TRHDE: variants seen among roughly 807,000 people sequenced by gnomAD.
TRHDE encodes thyrotropin-releasing hormone-degrading ectoenzyme.
Under a neutral mutation model 125.7 loss-of-function variants are expected in TRHDE, and 72 were observed. That is an observed-to-expected ratio of 0.57 (90% CI 0.47 to 0.70). The LOEUF (loss-of-function observed/expected upper bound fraction) is 0.70. TRHDE is among the 30% of genes least tolerant of loss of function. The pLI is 0.00. For synonymous variants in TRHDE, 509 were observed against 509.1 expected (o/e 1.00, Z 0.00); for missense variants, 1,110 against 1,327.1 (o/e 0.84, Z 2.54).
chr12:72,314,459 T>C (rs1050805238), intron 2 of TRHDE, among the ~76,000 whole-genome samples: 1 of 152,094 alleles, frequency 6.6e-6, no homozygotes, highest in Non-Finnish European at 1.5e-5. Context: ...ACCATTCATA[T>C]ATAATATTTT....
chr12:72,335,032 G>A (rs1317403142), intron 2 of TRHDE, among the ~76,000 whole-genome samples: 3 of 152,204 alleles, frequency 2.0e-5, no homozygotes, highest in Non-Finnish European at 2.9e-5. Flanking sequence ...AGGCAGGAGA[G>A]ATGCCTCTAA....
Position 72,670,447 on chromosome 12 carries a change from C to G in TRHDE, c.*7252C>G, listed in dbSNP as rs146040010. 13 of 151,684 alleles carry G rather than the reference C, an allele frequency of 8.6e-5. No homozygotes were observed. The East Asian group carries it at 2.1e-3, about 25-fold the overall frequency. The allele number at this position is 151,684 out of a possible 1,614,324, so 9.4% of individuals were successfully genotyped here. On this transcript the variant is annotated 3_prime_UTR_variant, in exon 19 of 19. Transcript: ENST00000261180. ...AAATATGAATTCTGCCTCTGATAAT[C>G]AAATTTTGTACAGCAATGTGTAATG...
chr12:72,118,488 C>G (rs1875500280), intron 2 of TRHDE, among the ~76,000 whole-genome samples: 1 of 152,118 alleles, frequency 6.6e-6, no homozygotes, highest in South Asian at 2.1e-4. Flanking sequence ...CATCAGTATT[C>G]ATCAGGGATA....
intron 2 of TRHDE, among the ~76,000 whole-genome samples, chr12:72,226,754 A>G (rs2687493): frequency 0.77 from 116,453 of 152,146 alleles, 44,851 homozygotes; most frequent in Non-Finnish European, 0.79. Flanking sequence ...AGTATTTAGA[A>G]GTACTCTAAA....
Position 72,384,785 on chromosome 12 carries a change from T to C in TRHDE, c.1315+6664T>C, listed in dbSNP as rs1044776757. On this transcript the variant is annotated intron_variant, in intron 3 of 18. Transcript: ENST00000261180. Reference sequence around the variant, plus strand: ...TTTTGCTTAAGATACAATAAACATATATATTTTTTATTGTGGTGATGATGA... The same window carrying C: ...TTTTGCTTAAGATACAATAAACATACATATTTTTTATTGTGGTGATGATGA... Among the ~76,000 whole-genome samples the C allele has an allele frequency of 3.3e-5, 5 of 152,176 alleles. No individual in the cohort carries two copies. The South Asian group carries it at 8.3e-4, about 25-fold the overall frequency.
intron 3 of TRHDE, among the ~76,000 whole-genome samples, chr12:72,463,282 C>A (rs1000940986): frequency 2.0e-5 from 3 of 152,194 alleles, no homozygotes; most frequent in Non-Finnish European, 4.4e-5. Context: ...CTTTCTATCC[C>A]TTTTCCCTCA....
intron 2 of TRHDE, among the ~76,000 whole-genome samples, chr12:72,167,297 A>G (rs888530836): frequency 1.3e-5 from 2 of 152,194 alleles, no homozygotes; most frequent in African/African-American, 4.8e-5. Context: ...TTATATATCA[A>G]CTAACTGCCC....
chr12:72,533,723 GTT>G, intron 6 of TRHDE, among the ~76,000 whole-genome samples: 2,878 of 97,878 alleles, frequency 0.029, 37 homozygotes, highest in Non-Finnish European at 0.035. Context: ...TTTTCTATTT[GTT>G]TTTTTTTTTT....
intron 3 of TRHDE, among the ~76,000 whole-genome samples, chr12:72,385,343 T>C (rs1253729683): frequency 1.3e-5 from 2 of 152,096 alleles, no homozygotes; most frequent in Admixed American, 1.3e-4. Context: ...TTCTGGAGAC[T>C]TAGCTAAGGT....
intron 7 of TRHDE, among the ~76,000 whole-genome samples, chr12:72,555,141 G>T (rs569163673): frequency 2.5e-4 from 38 of 152,236 alleles, no homozygotes; most frequent in African/African-American, 9.1e-4. Flanking sequence ...ACATTGATTG[G>T]GTGGAGTAAT....
intron 2 of TRHDE, among the ~76,000 whole-genome samples, chr12:72,369,386 AAAG>A (rs1871472295): frequency 6.6e-6 from 1 of 152,184 alleles, no homozygotes; most frequent in African/African-American, 2.4e-5. Flanking sequence ...TCAGGAAAGC[AAAG>A]AAGAATACAC....
chr12:72,120,453 G>T lies in TRHDE; in HGVS notation n.279+14701G>T, dbSNP rs544733390. On this transcript the variant is annotated intron_variant and non_coding_transcript_variant, in intron 2 of 4. Transcript: ENST00000548156. Reference sequence around the variant, plus strand: ...TAATTTGATCACCTTCCTTTAAGGTGATTTTCTCTCGTGGTATGTTTTAAT... The same window carrying T: ...TAATTTGATCACCTTCCTTTAAGGTTATTTTCTCTCGTGGTATGTTTTAAT... Among the ~76,000 whole-genome samples the T allele has an allele frequency of 2.6e-5, 4 of 151,804 alleles. No individual in the cohort carries two copies. The South Asian group carries it at 8.3e-4, about 32-fold the overall frequency.
chr12:72,411,738 A>G (rs1292711610), intron 3 of TRHDE, among the ~76,000 whole-genome samples: 1 of 152,144 alleles, frequency 6.6e-6, no homozygotes, highest in East Asian at 1.9e-4. Flanking sequence ...AGGTATCAAA[A>G]CATATTTTAA....
intron 2 of TRHDE, among the ~76,000 whole-genome samples, chr12:72,200,430 A>T (rs1204216643): frequency 6.6e-6 from 1 of 152,166 alleles, no homozygotes; most frequent in Admixed American, 6.5e-5. Context: ...GTTAGAATAA[A>T]CACCTGTTGA....
chr12:72,169,345 G>A (rs1424293088), intron 2 of TRHDE, among the ~76,000 whole-genome samples: 2 of 152,056 alleles, frequency 1.3e-5, no homozygotes, highest in African/African-American at 4.8e-5. Context: ...CACAATTATT[G>A]TTAGTCTGCC....
chr12:72,602,687 C>A (rs1323282226), intron 12 of TRHDE, among the ~76,000 whole-genome samples: 1 of 152,116 alleles, frequency 6.6e-6, no homozygotes, highest in Non-Finnish European at 1.5e-5. Context: ...TGAGAACCTG[C>A]AATATACAGG....
At chr12:72,548,744 TA>T (rs1051447117) in intron 7 of TRHDE, among the ~76,000 whole-genome samples, 76 of 151,678 alleles carry the variant, frequency 5.0e-4, no homozygotes, top group African/African-American at 1.5e-3. Flanking sequence ...AGGTAGCTAT[TA>T]AAAAAAATTA....
intron 2 of TRHDE, among the ~76,000 whole-genome samples, chr12:72,195,142 C>T (rs530064780): frequency 4.9e-4 from 75 of 152,146 alleles, no homozygotes; most frequent in African/African-American, 1.8e-3. Flanking sequence ...AACTTGCTCA[C>T]TATAATGAGA....
At chr12:72,113,561 G>T (rs1875371871) in intron 2 of TRHDE, among the ~76,000 whole-genome samples, 1 of 151,910 alleles carries the variant, frequency 6.6e-6, no homozygotes, top group Admixed American at 6.6e-5. Context: ...GCCTCCCAAA[G>T]TACTGAAATT....
Sources: allele counts gnomAD v4.1 joint callset (sites outside exome capture counted in the v4.1 genomes callset), GRCh38; gene constraint gnomAD v4.1.1; transcripts MANE v1.5; gene names NCBI Gene and HGNC (gene_info 2026-07-23, HGNC 2026-07-21).